Variants in SLCO1B1 observed in about 807,000 individuals in gnomAD.
SLCO1B1 encodes the protein OATP-2.
In SLCO1B1, 81 loss-of-function variants were observed where a neutral mutation model predicts 70.1. The ratio of observed to expected loss-of-function variants is 1.16; its 90% CI spans 0.97 to 1.39. The LOEUF (loss-of-function observed/expected upper bound fraction) is 1.39, where lower values mean the gene tolerates loss of function less well. Ranked by LOEUF, SLCO1B1 falls within the 40% of genes most tolerant of loss-of-function variation. The pLI, the probability that SLCO1B1 is intolerant of heterozygous loss-of-function variation, is 0.00. For missense variants in SLCO1B1, 895 were observed against 799.6 expected, an observed-to-expected ratio of 1.12 and a Z score of -1.44; for synonymous variants, 283 against 271.5, an observed-to-expected ratio of 1.04 and a Z score of -0.42.
intron 2 of SLCO1B1, among the ~76,000 whole-genome samples, chr12:21,158,168 A>G (rs977414760): frequency 5.3e-5 from 8 of 152,188 alleles, no homozygotes; most frequent in African/African-American, 1.9e-4. Context: ...TACCCATCCT[A>G]TGTTCGTTTT....
chr12:21,200,320 G>A (rs934841683), intron 8 of SLCO1B1, among the ~76,000 whole-genome samples, 188 bp from the exon 9 acceptor site: 3 of 152,028 alleles, frequency 2.0e-5, no homozygotes, highest in Admixed American at 6.6e-5. Flanking sequence ...ATTAATATTC[G>A]TATGGAAAAT....
At chr12:21,221,787 G>A (rs1941426258) in intron 12 of SLCO1B1, among the ~76,000 whole-genome samples, 1 of 152,080 alleles carries the variant, frequency 6.6e-6, no homozygotes, top group African/African-American at 2.4e-5. Context: ...TGAGGAAAAG[G>A]AATGCTTATA....
intron 14 of SLCO1B1, among the ~76,000 whole-genome samples, chr12:21,227,603 G>T (rs1469110419): frequency 6.6e-6 from 1 of 152,008 alleles, no homozygotes; most frequent in Non-Finnish European, 1.5e-5. Context: ...GAAATGAAAA[G>T]AAATTACAAA....
intron 2 of SLCO1B1, among the ~76,000 whole-genome samples, chr12:21,163,272 G>A (rs904354337): frequency 1.3e-4 from 20 of 151,828 alleles, no homozygotes; most frequent in African/African-American, 3.9e-4. Flanking sequence ...CAATACTTAT[G>A]AAGAGAACTA....
In SLCO1B1 at chr12:21,205,878, G is replaced by A; in HGVS notation, c.1342G>A (p.Val448Met). ...ATCATATATTTCCAGAAATAATCCA[G>A]TGACATCTCATAGAGATGTACCACT... is the stretch of plus-strand genomic sequence containing the variant. ...LTMTYDGNNP[V>M]TSHRDVPLSY... The change falls in exon 11 of 15, where the codon GTG (valine) becomes ATG (methionine). Residue 448 changes from valine to methionine, a missense_variant. Coordinates refer to ENST00000256958, the MANE Select transcript of SLCO1B1 (RefSeq NM_006446.5). 1 of 1,606,218 alleles carries A rather than the reference G, an allele frequency of 6.2e-7. No homozygotes were observed. Among genetic ancestry groups the A allele is most frequent in the Middle Eastern group, 1.7e-4 (1 of 6,016 alleles).
chr12:21,175,515 G>A (rs1314876762), intron 4 of SLCO1B1, among the ~76,000 whole-genome samples: 1 of 152,154 alleles, frequency 6.6e-6, no homozygotes, highest in Admixed American at 6.5e-5. Flanking sequence ...AAGGAAAGAA[G>A]AGAGGATATT....
At chr12:21,223,060 G>A (rs1764495442) in intron 13 of SLCO1B1, among the ~76,000 whole-genome samples, 1 of 152,080 alleles carries the variant, frequency 6.6e-6, no homozygotes, top group Non-Finnish European at 1.5e-5. Context: ...AGTTTCAATG[G>A]AGATACCTCT....
intron 12 of SLCO1B1, 137 bp downstream of exon 12, chr12:21,217,440 T>A: frequency 1.3e-6 from 1 of 764,406 alleles, no homozygotes; most frequent in Non-Finnish European, 2.2e-6. Flanking sequence ...ATTCATTTTA[T>A]TAAAATTACT....
intron 1 of SLCO1B1, among the ~76,000 whole-genome samples, chr12:21,131,999 A>G (rs1272616365): frequency 6.6e-6 from 1 of 151,792 alleles, no homozygotes; most frequent in Non-Finnish European, 1.5e-5. Context: ...CCCCCACCCC[A>G]CAACAGTCCC....
At chr12:21,174,092 G>A (rs376841948) in intron 3 of SLCO1B1, among the ~76,000 whole-genome samples, 38 of 152,030 alleles carry the variant, frequency 2.5e-4, no homozygotes, top group African/African-American at 9.2e-4. Flanking sequence ...CCTTTCTGTG[G>A]TTTAATAGCA....
chr12:21,209,554 A>G (rs1941254985), intron 11 of SLCO1B1, among the ~76,000 whole-genome samples: 1 of 152,214 alleles, frequency 6.6e-6, no homozygotes, highest in South Asian at 2.1e-4. Context: ...CATGATTTAC[A>G]GTCATTTGGG....
intron 1 of SLCO1B1, among the ~76,000 whole-genome samples, chr12:21,132,574 C>A (rs1195382278): frequency 6.6e-6 from 1 of 152,194 alleles, no homozygotes; most frequent in African/African-American, 2.4e-5. Context: ...ATTTGCATTT[C>A]TCTGATGGCC....
At chr12:21,158,630 G>GC (rs1940573222) in intron 2 of SLCO1B1, among the ~76,000 whole-genome samples, 1 of 152,022 alleles carries the variant, frequency 6.6e-6, no homozygotes, top group Non-Finnish European at 1.5e-5. Flanking sequence ...GGAGGCAGAG[G>GC]TTGCAGTGAG....
At chr12:21,224,562 T>C (rs1375832188) in intron 13 of SLCO1B1, among the ~76,000 whole-genome samples, 160 bp from the exon 14 acceptor site, 1 of 152,204 alleles carries the variant, frequency 6.6e-6, no homozygotes, top group Non-Finnish European at 1.5e-5. Context: ...CTTTGAGATT[T>C]CTAATAATCT....
At chr12:21,196,663 T>C (rs1306270842) in intron 7 of SLCO1B1, among the ~76,000 whole-genome samples, 1 of 152,168 alleles carries the variant, frequency 6.6e-6, no homozygotes, top group Non-Finnish European at 1.5e-5. Flanking sequence ...AGCTTAAATG[T>C]CCAGTGATAG....
chr12:21,211,457 T>G (rs919380658), intron 11 of SLCO1B1, among the ~76,000 whole-genome samples: 2 of 152,244 alleles, frequency 1.3e-5, no homozygotes, highest in Admixed American at 6.5e-5. Flanking sequence ...GCTGGATTCA[T>G]TTTGCCAGTA....
At chr12:21,230,346 TG>T (rs780675858) in intron 14 of SLCO1B1, among the ~76,000 whole-genome samples, 1,815 of 130,806 alleles carry the variant, frequency 0.014, 35 homozygotes, top group African/African-American at 0.055. Flanking sequence ...TTTTTTTTTT[TG>T]GAGACATAGT....
intron 4 of SLCO1B1, 23 bp downstream of exon 4, chr12:21,174,732 A>T: frequency 6.2e-7 from 1 of 1,601,506 alleles, no homozygotes; most frequent in Non-Finnish European, 8.5e-7. Context: ...AAAAAAAAAA[A>T]CCTCTGTGCC....
intron 2 of SLCO1B1, among the ~76,000 whole-genome samples, chr12:21,148,577 T>C (rs917697561): frequency 6.6e-6 from 1 of 152,164 alleles, no homozygotes; most frequent in Non-Finnish European, 1.5e-5. Flanking sequence ...TATATATCTG[T>C]TTTGGTAAAA....
Sources: allele counts gnomAD v4.1 joint callset (sites outside exome capture counted in the v4.1 genomes callset), GRCh38; gene constraint gnomAD v4.1.1; transcripts MANE v1.5; gene names NCBI Gene and HGNC (gene_info 2026-07-23, HGNC 2026-07-21).